The following LNP1 variants were observed in gnomAD, a reference collection of about 807,000 sequenced individuals.
LNP1 encodes leukemia NUP98 fusion partner 1.
A neutral mutation model predicts 14.5 loss-of-function variants in LNP1; 12 were observed. The ratio of observed to expected loss-of-function variants is 0.83; its 90% CI spans 0.53 to 1.34. The LOEUF (loss-of-function observed/expected upper bound fraction) is 1.34. Ranked by LOEUF, LNP1 falls within the 40% of genes most tolerant of loss-of-function variation. The pLI, the probability that LNP1 is intolerant of heterozygous loss-of-function variation, is 0.00. For synonymous variants in LNP1, 75 were observed against 71.4 expected (o/e 1.05, Z -0.26); for missense variants, 198 against 210.9 (o/e 0.94, Z 0.38).
intron 1 of LNP1, among the ~76,000 whole-genome samples, chr3:100,409,021 T>C (rs1337291900): frequency 6.6e-6 from 1 of 152,206 alleles, no homozygotes; most frequent in East Asian, 1.9e-4. Flanking sequence ...ACCATCTTGC[T>C]CTACTTTCCT....
At chr3:100,423,342 G>T (rs1162837730) in intron 1 of LNP1, among the ~76,000 whole-genome samples, 2 of 152,128 alleles carry the variant, frequency 1.3e-5, no homozygotes, top group Non-Finnish European at 2.9e-5. Flanking sequence ...CAACGGCATG[G>T]CACTGGGACA....
chr3:100,422,273 T>G (rs1173319723), intron 1 of LNP1, among the ~76,000 whole-genome samples: 1 of 144,272 alleles, frequency 6.9e-6, no homozygotes, highest in Non-Finnish European at 1.5e-5. Flanking sequence ...AAGCTTCGCC[T>G]CCCGGGTTCA....
At chr3:100,440,302 G>C (rs1440058886) in intron 2 of LNP1, among the ~76,000 whole-genome samples, 1 of 152,200 alleles carries the variant, frequency 6.6e-6, no homozygotes, top group Non-Finnish European at 1.5e-5. Context: ...GATTTTTGGA[G>C]AGATATAGTT....
chr3:100,435,831 G>T (rs1452398411), intron 2 of LNP1, among the ~76,000 whole-genome samples: 1 of 152,182 alleles, frequency 6.6e-6, no homozygotes, highest in Non-Finnish European at 1.5e-5. Flanking sequence ...TTCACTTTGG[G>T]ATGGAGACTT....
chr3:100,409,152 C>G (rs1452109865), intron 1 of LNP1, among the ~76,000 whole-genome samples: 3 of 152,044 alleles, frequency 2.0e-5, no homozygotes, highest in Non-Finnish European at 4.4e-5. Context: ...AAAACTTGAC[C>G]CACTGATGAA....
intron 1 of LNP1, among the ~76,000 whole-genome samples, chr3:100,409,538 C>CTA (rs1286270655): frequency 6.8e-6 from 1 of 146,670 alleles, no homozygotes; most frequent in African/African-American, 2.6e-5. Flanking sequence ...AGCTCTCTCT[C>CTA]TCTCTATATA....
intron 1 of LNP1, among the ~76,000 whole-genome samples, chr3:100,428,790 C>T (rs796414447): frequency 6.6e-6 from 1 of 152,210 alleles, no homozygotes; most frequent in African/African-American, 2.4e-5. Context: ...CAATACTACA[C>T]ACAGCGTCAA....
intron 2 of LNP1, among the ~76,000 whole-genome samples, chr3:100,442,074 C>G (rs547860657): frequency 6.6e-6 from 1 of 152,080 alleles, no homozygotes; most frequent in Admixed American, 6.6e-5. Flanking sequence ...AATATTTACC[C>G]TTATATTTCC....
chr3:100,405,976 C>T (rs1291043535), intron 1 of LNP1, among the ~76,000 whole-genome samples: 1 of 152,148 alleles, frequency 6.6e-6, no homozygotes, highest in East Asian at 1.9e-4. Context: ...GATATTAGCA[C>T]CTAGCACTAT....
In LNP1 at chr3:100,455,931, C is replaced by G. The variant is rs1299537069; in HGVS notation, c.*5C>G. On this transcript the variant is annotated 3_prime_UTR_variant, in exon 4 of 4. Coordinates refer to ENST00000383693, the MANE Select transcript of LNP1 (RefSeq NM_001085451.2). ...TTTGAAAAAGGGCCTGAATAATACT[C>G]TGCTTCTGCCTCATGACATCAGATG... The G allele has an allele frequency of 1.2e-6, 2 of 1,600,090 alleles. No homozygotes were observed. The highest frequency in any genetic ancestry group is 1.4e-5 in the African/African-American group (1 of 73,762).
intron 1 of LNP1, among the ~76,000 whole-genome samples, chr3:100,417,375 T>TC (rs1293654422): frequency 4.8e-5 from 6 of 123,784 alleles, no homozygotes; most frequent in East Asian, 2.2e-4. Flanking sequence ...TTTTTTCTTT[T>TC]TTTTTTTTTT....
At position 100,402,202 on chromosome 3, in the gene LNP1, A is replaced by G. The variant is rs1706917346; in HGVS notation, c.-271A>G. On this transcript the variant is annotated 5_prime_UTR_variant, in exon 1 of 4. Coordinates refer to ENST00000383693, the MANE Select transcript of LNP1 (RefSeq NM_001085451.2). Reference sequence around the variant, plus strand: ...ACACGGTATTTTCATGAAGACAACTATTAATAGAAAAATCAGAGTCCAGAA... The same window carrying G: ...ACACGGTATTTTCATGAAGACAACTGTTAATAGAAAAATCAGAGTCCAGAA... The G allele has an allele frequency of 6.6e-6, 1 of 152,244 alleles. No homozygotes were observed. Among genetic ancestry groups the G allele is most frequent in the Admixed American group, 6.5e-5 (1 of 15,286 alleles). 9.4% of individuals were successfully genotyped at this position (152,244 alleles called of 1,614,324 possible). A position where few individuals can be genotyped will look rare whatever the true frequency, so the allele number is the denominator to read the frequency against.
At chr3:100,403,072 G>A (rs1197912386) in intron 1 of LNP1, among the ~76,000 whole-genome samples, 1 of 152,046 alleles carries the variant, frequency 6.6e-6, no homozygotes, top group African/African-American at 2.4e-5. Context: ...TTTCCTAATT[G>A]ATGGTACTGT....
intron 1 of LNP1, among the ~76,000 whole-genome samples, chr3:100,428,120 C>G (rs1234443129): frequency 6.6e-6 from 1 of 152,190 alleles, no homozygotes; most frequent in South Asian, 2.1e-4. Context: ...CCGCTTCAAA[C>G]TTGATTTTGC....
intron 2 of LNP1, among the ~76,000 whole-genome samples, chr3:100,446,890 A>G (rs1474090554): frequency 3.9e-5 from 6 of 152,212 alleles, no homozygotes; most frequent in African/African-American, 1.4e-4. Flanking sequence ...GCAAATCAAA[A>G]CCACAATGAG....
At chr3:100,409,993 A>G (rs1191966449) in intron 1 of LNP1, among the ~76,000 whole-genome samples, 4 of 151,868 alleles carry the variant, frequency 2.6e-5, no homozygotes, top group African/African-American at 9.7e-5. Context: ...CTATCTATCT[A>G]TCTATCTACC....
chr3:100,432,903 C>T (rs528433438), intron 2 of LNP1, among the ~76,000 whole-genome samples: 25 of 152,140 alleles, frequency 1.6e-4, no homozygotes, highest in Non-Finnish European at 3.2e-4. Context: ...GAGAAGAAAC[C>T]GAGTTTATTG....
Position 100,451,812 on chromosome 3 carries a change from G to C in LNP1, c.250G>C (p.Asp84His). The C allele has an allele frequency of 1.2e-6, 1 of 830,872 alleles. No homozygotes were observed. Among genetic ancestry groups the C allele is most frequent in the Non-Finnish European group, 1.6e-6 (1 of 628,014 alleles). The allele number at this position is 830,872 out of a possible 1,614,324, so 51.5% of individuals were successfully genotyped here. Residue 84 changes from aspartate (D) to histidine (H), a missense_variant, in exon 3 of 4, where the codon GAT becomes CAT. Asp to His is a moderately conservative substitution (Grantham distance 81). Transcript: ENST00000383693. ...ATTTCGATGCCGTAGCCACGTACGG[G>C]ATTACAGAAAATACTCAGAGGATGG... is the stretch of plus-strand genomic sequence containing the variant. ...QEFRCRSHVR[D>H]YRKYSEDGSF...
chr3:100,452,047 C>A, intron 3 of LNP1, 98 bp downstream of exon 3: 1 of 659,578 alleles, frequency 1.5e-6, no homozygotes, highest in Non-Finnish European at 2.6e-6. Context: ...GTAACTTCTT[C>A]ATTTACAGCT....
Sources: allele counts gnomAD v4.1 joint callset (sites outside exome capture counted in the v4.1 genomes callset), GRCh38; gene constraint gnomAD v4.1.1; transcripts MANE v1.5; gene names NCBI Gene and HGNC (gene_info 2026-07-23, HGNC 2026-07-21).